Variants in GCSAML observed in about 807,000 individuals in gnomAD.
GCSAML encodes germinal center associated signaling and motility like, also known as germinal center-associated signaling and motility-like protein.
In GCSAML, 9 loss-of-function variants were observed where a neutral mutation model predicts 13.0. The ratio of observed to expected loss-of-function variants is 0.69; its 90% CI spans 0.42 to 1.21. GCSAML has a LOEUF of 1.21. Ranked by LOEUF, GCSAML falls within the 50% of genes most tolerant of loss-of-function variation. The pLI is 0.00. For missense variants in GCSAML, 143 were observed against 153.4 expected (o/e 0.93, Z 0.36); for synonymous variants, 37 against 52.9 (o/e 0.70, Z 1.31).
intron 4 of GCSAML, among the ~76,000 whole-genome samples, chr1:247,570,511 G>A (rs765703976): frequency 6.6e-6 from 1 of 152,102 alleles, no homozygotes; most frequent in Admixed American, 6.6e-5. Context: ...ATGTAGTTTT[G>A]CGGTTTTGAG....
intron 1 of GCSAML, among the ~76,000 whole-genome samples, chr1:247,522,113 C>T (rs529300747): frequency 8.6e-5 from 13 of 151,790 alleles, no homozygotes; most frequent in South Asian, 4.2e-4. Context: ...GCAGCCGCCC[C>T]GTCTGAGAAG....
chr1:247,536,133 A>G (rs1160799253), intron 2 of GCSAML: 1 of 152,102 alleles, frequency 6.6e-6, no homozygotes, highest in Non-Finnish European at 1.5e-5. Context: ...CAACAACAAC[A>G]ACAAACAAAC....
Position 247,569,553 on chromosome 1 carries a change from A to G in GCSAML, c.168+3594A>G, listed in dbSNP as rs1196867291. Among the ~76,000 whole-genome samples, 5 of 152,182 alleles carry G rather than the reference A, an allele frequency of 3.3e-5. No homozygotes were observed. In the East Asian group the frequency reaches 7.7e-4, roughly 23 times the overall value. The stretch of plus-strand genomic sequence containing the variant: ...AACCAGTCTTGCATCCCAGGGATGG[A>G]GCCGACTTGATCGTGGTGGATATGC... On this transcript the variant is annotated intron_variant, in intron 4 of 4. Coordinates refer to ENST00000366488, the MANE Select transcript of GCSAML (RefSeq NM_145278.5).
chr1:247,530,461 T>G (rs1159299097), intron 2 of GCSAML: 1 of 151,320 alleles, frequency 6.6e-6, no homozygotes, highest in African/African-American at 2.4e-5. Flanking sequence ...GGCTTAGAGC[T>G]CTCTGCACCT....
chr1:247,545,682 G>T (rs1384055113), upstream of GCSAML, among the ~76,000 whole-genome samples: 1 of 152,126 alleles, frequency 6.6e-6, no homozygotes, highest in Non-Finnish European at 1.5e-5. Context: ...GTCTTCTTTG[G>T]AGAGGTGTCT....
intron 1 of GCSAML, among the ~76,000 whole-genome samples, chr1:247,523,029 A>G (rs2103317281): frequency 6.6e-6 from 1 of 152,302 alleles, no homozygotes; most frequent in East Asian, 1.9e-4. Flanking sequence ...TAGAAAATAT[A>G]TATGAAATCC....
intron 2 of GCSAML, among the ~76,000 whole-genome samples, chr1:247,560,110 AT>A (rs1668073342): frequency 2.0e-5 from 3 of 152,136 alleles, no homozygotes; most frequent in African/African-American, 7.2e-5. Context: ...GTTCCACTGT[AT>A]TTAAGAGAGA....
rs753436393 is a variant in GCSAML, at chr1:247,531,810, C to A, written c.-148+4756C>A. ...AACAGGTGTTGAATGCCTTTCTCCG[C>A]CCTTCTGCTGACCTGATCTTCAACA... On this transcript the variant is annotated intron_variant, in intron 2 of 5. Transcript: ENST00000366489. The A allele has an allele frequency of 6.2e-6, 10 of 1,614,068 alleles. No individual in the cohort carries two copies. The African/African-American group carries it at 1.2e-4, about 19-fold the overall frequency.
chr1:247,558,208 T>C (rs1668015736), intron 2 of GCSAML, among the ~76,000 whole-genome samples: 1 of 152,242 alleles, frequency 6.6e-6, no homozygotes. Context: ...CAAATATGTG[T>C]TGCATGTGGG....
intron 1 of GCSAML, among the ~76,000 whole-genome samples, chr1:247,522,479 G>A (rs1005042761): frequency 3.0e-5 from 3 of 100,238 alleles, no homozygotes; most frequent in Non-Finnish European, 4.9e-5. Flanking sequence ...AGAAAAGGGG[G>A]AAATGTGGGG....
intron 2 of GCSAML, chr1:247,528,919 T>C (rs1042048365): frequency 2.0e-5 from 3 of 152,026 alleles, no homozygotes; most frequent in Non-Finnish European, 2.9e-5. Context: ...ATCTTGGTGG[T>C]ATGGTAGATA....
At chr1:247,511,621 T>A (rs1313114066) in intron 1 of GCSAML, among the ~76,000 whole-genome samples, 1 of 152,234 alleles carries the variant, frequency 6.6e-6, no homozygotes, top group Non-Finnish European at 1.5e-5. Context: ...GTCAACGGAC[T>A]TTACAATTTC....
Position 247,516,553 on chromosome 1 carries a change from GTTTT to G in GCSAML, c.-263+9336_-263+9339del, listed in dbSNP as rs10710175. On this transcript the variant is annotated intron_variant, in intron 1 of 5. Transcript: ENST00000366489. The stretch of plus-strand genomic sequence containing the variant: ...TTTGTCTACAACTTTCATGTTGACT[GTTTT>G]TTTTTTTTTTTTTTTAAACTCCAGA... Among the ~76,000 whole-genome samples, 9 of 135,994 alleles carry G rather than the reference GTTTT, an allele frequency of 6.6e-5. 1 individual carries two copies. In the South Asian group the frequency reaches 9.6e-4, roughly 15 times the overall value. The allele number at this position is 135,994 out of a possible 152,430, so 89.2% of individuals were successfully genotyped here.
At chr1:247,536,039 G>T (rs1454414729) in intron 2 of GCSAML, 1 of 152,076 alleles carries the variant, frequency 6.6e-6, no homozygotes, top group Non-Finnish European at 1.5e-5. Context: ...GAGGAAATCA[G>T]ATCATTTAAA....
At chr1:247,531,944 A>G (rs1666986487) in intron 2 of GCSAML, 1 of 1,614,148 alleles carries the variant, frequency 6.2e-7, no homozygotes, top group African/African-American at 1.3e-5. Context: ...GTATCCACAC[A>G]AGCCAGTTGC....
chr1:247,524,038 T>C (rs949370241), intron 1 of GCSAML, among the ~76,000 whole-genome samples: 3 of 135,148 alleles, frequency 2.2e-5, no homozygotes, highest in Admixed American at 7.9e-5. Flanking sequence ...ACTCTGCAGA[T>C]GCAGTGAATT....
At chr1:247,521,740 C>T (rs895076828) in intron 1 of GCSAML, among the ~76,000 whole-genome samples, 1 of 152,212 alleles carries the variant, frequency 6.6e-6, no homozygotes, top group African/African-American at 2.4e-5. Flanking sequence ...CAACCTCCAC[C>T]TCCCAGCCGC....
intron 2 of GCSAML, among the ~76,000 whole-genome samples, chr1:247,539,815 C>T (rs915854567): frequency 6.6e-6 from 1 of 152,190 alleles, no homozygotes; most frequent in African/African-American, 2.4e-5. Context: ...ATTAAAATCA[C>T]AACGATTTTA....
At chr1:247,539,876 T>C (rs1667350079) in intron 2 of GCSAML, among the ~76,000 whole-genome samples, 1 of 152,198 alleles carries the variant, frequency 6.6e-6, no homozygotes, top group South Asian at 2.1e-4. Context: ...TACCCCATGT[T>C]GTTTCATAAT....
Sources: allele counts gnomAD v4.1 joint callset (sites outside exome capture counted in the v4.1 genomes callset), GRCh38; gene constraint gnomAD v4.1.1; transcripts MANE v1.5; gene names NCBI Gene and HGNC (gene_info 2026-07-23, HGNC 2026-07-21).